ZC3H13: variants seen among roughly 807,000 people sequenced by gnomAD.
ZC3H13 encodes the protein zinc finger CCCH-type containing 13.
A neutral mutation model predicts 204.1 loss-of-function variants in ZC3H13; 64 were observed. That is an observed-to-expected ratio of 0.31 (90% confidence interval 0.26 to 0.39). ZC3H13 has a LOEUF of 0.39. ZC3H13 is among the 10% of genes least tolerant of loss of function. The pLI, the probability that ZC3H13 is intolerant of heterozygous loss-of-function variation, is 1.00. For synonymous variants in ZC3H13, 667 were observed against 693.7 expected (o/e 0.96, Z 0.60); for missense variants, 1,833 against 2,082.7 (o/e 0.88, Z 2.33).
At chr13:45,989,178 A>C (rs985001776) in intron 8 of ZC3H13, 81 bp from the exon 9 acceptor site, 24 of 1,333,132 alleles carry the variant, frequency 1.8e-5, no homozygotes, top group Non-Finnish European at 2.3e-5. Context: ...AAAACAAAAA[A>C]GTGAATATGA....
At chr13:46,026,788 T>C (rs1335298643) in intron 4 of ZC3H13, among the ~76,000 whole-genome samples, 6 of 152,082 alleles carry the variant, frequency 3.9e-5, no homozygotes, top group African/African-American at 1.4e-4. Flanking sequence ...ATTCATGAGA[T>C]TCAGCTAAAG....
intron 5 of ZC3H13, among the ~76,000 whole-genome samples, chr13:46,014,393 CCTCT>C (rs1235588392): frequency 6.6e-6 from 1 of 151,946 alleles, no homozygotes; most frequent in Non-Finnish European, 1.5e-5. Flanking sequence ...GTGATGTTCC[CCTCT>C]CTGTGTTGAT....
intron 11 of ZC3H13, chr13:45,976,131 T>A (rs1953028987): frequency 1.1e-6 from 1 of 921,030 alleles, no homozygotes; most frequent in Non-Finnish European, 1.3e-6. Flanking sequence ...CTCCCTACCC[T>A]ACCTCCAGCC....
chr13:45,988,375 A>G (rs2039708313), intron 9 of ZC3H13, among the ~76,000 whole-genome samples: 1 of 152,076 alleles, frequency 6.6e-6, no homozygotes, highest in Non-Finnish European at 1.5e-5. Context: ...CTCCTGCCTC[A>G]GCTTCCCGAG....
intron 7 of ZC3H13, among the ~76,000 whole-genome samples, chr13:46,007,282 C>T (rs2041223140): frequency 6.6e-6 from 1 of 152,182 alleles, no homozygotes; most frequent in Non-Finnish European, 1.5e-5. Flanking sequence ...ATACCACCTC[C>T]AGGCCCAAAT....
intron 15 of ZC3H13, 67 bp downstream of exon 15, chr13:45,967,437 A>AC (rs1233026029): frequency 1.3e-6 from 2 of 1,482,550 alleles, no homozygotes; most frequent in Non-Finnish European, 1.8e-6. Flanking sequence ...TCAAAAGAAA[A>AC]TAGTTGTTTC....
chr13:45,992,856 C>T (rs1341605299), intron 8 of ZC3H13, among the ~76,000 whole-genome samples: 1 of 152,130 alleles, frequency 6.6e-6, no homozygotes, highest in East Asian at 1.9e-4. Context: ...TTGATCTACC[C>T]TTGCTTCTCA....
At chr13:45,990,730 T>A (rs765899704) in intron 8 of ZC3H13, among the ~76,000 whole-genome samples, 1 of 151,920 alleles carries the variant, frequency 6.6e-6, no homozygotes, top group Non-Finnish European at 1.5e-5. Context: ...AACAGAAAAA[T>A]CACTGCAAGA....
intron 8 of ZC3H13, among the ~76,000 whole-genome samples, chr13:45,994,555 T>C (rs1168241097): frequency 2.6e-5 from 4 of 152,226 alleles, no homozygotes; most frequent in Non-Finnish European, 2.9e-5. Context: ...CAACATGGCT[T>C]GAACTAAAAG....
chr13:45,982,448 G>C (rs1032433951), intron 10 of ZC3H13, among the ~76,000 whole-genome samples: 2 of 151,946 alleles, frequency 1.3e-5, no homozygotes, highest in Admixed American at 6.6e-5. Context: ...AAGAATGAAA[G>C]AAGATACAAT....
intron 17 of ZC3H13, among the ~76,000 whole-genome samples, chr13:45,960,618 G>A (rs921139939): frequency 6.6e-6 from 1 of 152,046 alleles, no homozygotes; most frequent in African/African-American, 2.4e-5. Context: ...AGGAAAGATA[G>A]AATAAAATAT....
intron 12 of ZC3H13, 108 bp from the exon 13 acceptor site, chr13:45,970,573 G>A: frequency 1.2e-6 from 1 of 837,660 alleles, no homozygotes; most frequent in African/African-American, 1.7e-5. Flanking sequence ...ATAATTGTAG[G>A]AAAGCAATAT....
intron 4 of ZC3H13, among the ~76,000 whole-genome samples, chr13:46,037,055 AAAC>A (rs1221356491): frequency 1.3e-5 from 2 of 152,188 alleles, no homozygotes; most frequent in African/African-American, 2.4e-5. Flanking sequence ...GAGGACGAAT[AAAC>A]AACAACAAAA....
intron 4 of ZC3H13, among the ~76,000 whole-genome samples, chr13:46,020,933 A>G (rs113522553): frequency 1.6e-4 from 24 of 152,204 alleles, no homozygotes; most frequent in African/African-American, 5.5e-4. Context: ...GTAAGTTTCC[A>G]CGTGAAAACC....
chr13:46,026,490 A>C (rs866648443), intron 4 of ZC3H13, among the ~76,000 whole-genome samples: 1 of 152,090 alleles, frequency 6.6e-6, no homozygotes, highest in African/African-American at 2.4e-5. Flanking sequence ...AGAACCTAAA[A>C]ACCAAGAACT....
chr13:45,975,316 T>C lies in ZC3H13; in HGVS notation c.2435A>G (p.Asn812Ser). ...EKREEIREDR[N>S]PRDGHDERKS... ...TCTTTCATCATGTCCATCTCTTGGA[T>C]TCCTATCTTCTCGGATCTCTTCTCG... The change falls in exon 12 of 19, where the codon AAT (asparagine) becomes AGT (serine). Residue 812 changes from asparagine to serine, a missense_variant. By Grantham distance (46) the Asn-to-Ser change is conservative. Transcript: ENST00000679008. The C allele has an allele frequency of 6.2e-7, 1 of 1,613,716 alleles. No individual in the cohort carries two copies. Among genetic ancestry groups the C allele is most frequent in the Non-Finnish European group, 8.5e-7 (1 of 1,179,696 alleles).
intron 8 of ZC3H13, among the ~76,000 whole-genome samples, chr13:45,998,013 T>C (rs1346770503): frequency 6.6e-6 from 1 of 152,230 alleles, no homozygotes; most frequent in African/African-American, 2.4e-5. Flanking sequence ...GTTGGATGAA[T>C]GAATTAGCAA....
At chr13:46,041,678 T>C (rs1457276717) in intron 4 of ZC3H13, among the ~76,000 whole-genome samples, 1 of 152,166 alleles carries the variant, frequency 6.6e-6, no homozygotes, top group African/African-American at 2.4e-5. Flanking sequence ...TTATTTCTCT[T>C]GGCTTCACTG....
In ZC3H13 at chr13:45,997,055, T is replaced by C. The variant is rs2040392758; in HGVS notation, c.944+6084A>G. Among the ~76,000 whole-genome samples the C allele has an allele frequency of 2.0e-5, 3 of 152,178 alleles. No individual in the cohort carries two copies. In the South Asian group the frequency reaches 6.2e-4, roughly 32 times the overall value. ...TATTTTAAAAAAATATTATGGGAAATTGCTATATTTTCTGAAAGCACAGTA... is the reference window on the plus strand; with the variant it reads ...TATTTTAAAAAAATATTATGGGAAACTGCTATATTTTCTGAAAGCACAGTA... On this transcript the variant is annotated intron_variant, in intron 8 of 18. Transcript: ENST00000679008.
Sources: gnomAD v4.1 joint callset for allele counts (sites outside exome capture counted in the v4.1 genomes callset) on GRCh38, gnomAD v4.1.1 for gene constraint, MANE v1.5 for transcripts, NCBI Gene and HGNC (gene_info 2026-07-23, HGNC 2026-07-21) for gene names.